SGCD: variants seen among roughly 807,000 people sequenced by gnomAD.
SGCD encodes the protein delta-sarcoglycan.
In SGCD, 18 loss-of-function variants were observed where a neutral mutation model predicts 36.6. The ratio of observed to expected loss-of-function variants is 0.49; its 90% CI spans 0.34 to 0.73. The LOEUF (loss-of-function observed/expected upper bound fraction) is 0.73. SGCD is among the 30% of genes least tolerant of loss of function. SGCD has a pLI of 0.01. For missense variants in SGCD, 387 were observed against 346.7 expected, an observed-to-expected ratio of 1.12 and a Z score of -0.92; for synonymous variants, 133 against 130.6, an observed-to-expected ratio of 1.02 and a Z score of -0.12.
chr5:156,287,016 G>A (rs1766623083), intron 3 of SGCD, among the ~76,000 whole-genome samples: 1 of 152,112 alleles, frequency 6.6e-6, no homozygotes, highest in Non-Finnish European at 1.5e-5. Flanking sequence ...AAAAACCCAT[G>A]CTTTCAGAGT....
chr5:155,920,736 C>T (rs1756858972), intron 1 of SGCD, among the ~76,000 whole-genome samples: 1 of 152,114 alleles, frequency 6.6e-6, no homozygotes, highest in South Asian at 2.1e-4. Flanking sequence ...GCGGCATACT[C>T]TTGGATGGTG....
chr5:156,650,054 A>G (rs1442610686), intron 7 of SGCD, among the ~76,000 whole-genome samples: 1 of 152,114 alleles, frequency 6.6e-6, no homozygotes, highest in Non-Finnish European at 1.5e-5. Flanking sequence ...ACAAAAAGAC[A>G]ACTCTCCAAG....
At chr5:156,471,899 A>G (rs955298996) in intron 3 of SGCD, among the ~76,000 whole-genome samples, 2 of 148,420 alleles carry the variant, frequency 1.3e-5, no homozygotes, top group South Asian at 2.1e-4. Flanking sequence ...TCAATAATGT[A>G]TAAATGATTT....
At chr5:156,090,811 A>G (rs548945420) in intron 1 of SGCD, among the ~76,000 whole-genome samples, 1 of 152,264 alleles carries the variant, frequency 6.6e-6, no homozygotes, top group African/African-American at 2.4e-5. Context: ...AGGGTTATCA[A>G]TTATTAATAT....
At chr5:155,993,732 A>G (rs1165582260) in intron 1 of SGCD, among the ~76,000 whole-genome samples, 1 of 152,110 alleles carries the variant, frequency 6.6e-6, no homozygotes, top group Non-Finnish European at 1.5e-5. Flanking sequence ...TATCTTGCCC[A>G]TGGACCCTCT....
At chr5:156,333,589 A>G in intron 2 of SGCD, among the ~76,000 whole-genome samples, 1 of 152,044 alleles carries the variant, frequency 6.6e-6, no homozygotes, top group Admixed American at 6.6e-5. Flanking sequence ...TATGCCTTTA[A>G]CAAGCAAAGA....
intron 3 of SGCD, among the ~76,000 whole-genome samples, chr5:156,347,887 A>T (rs777345372): frequency 3.9e-5 from 6 of 152,222 alleles, no homozygotes; most frequent in Admixed American, 6.5e-5. Context: ...GCAGTTAACT[A>T]AATTGATTGC....
the SGCD span, among the ~76,000 whole-genome samples, chr5:155,798,389 T>G: frequency 3.9e-5 from 6 of 152,228 alleles, no homozygotes. Flanking sequence ...AAAGATTTGA[T>G]AGATTAACTT....
At chr5:156,399,027 TG>T (rs1772006129) in intron 3 of SGCD, among the ~76,000 whole-genome samples, 2 of 152,376 alleles carry the variant, frequency 1.3e-5, no homozygotes, top group East Asian at 3.9e-4. Context: ...AAAGTTCTAT[TG>T]GATTGCTATG....
intron 3 of SGCD, among the ~76,000 whole-genome samples, chr5:156,226,677 C>T (rs1021023037): frequency 3.9e-5 from 6 of 152,142 alleles, no homozygotes; most frequent in African/African-American, 1.2e-4. Flanking sequence ...TTTACATTCC[C>T]ACCAGCACTG....
chr5:155,888,846 A>C (rs1396053353), intron 1 of SGCD, among the ~76,000 whole-genome samples: 1 of 152,022 alleles, frequency 6.6e-6, no homozygotes, highest in Non-Finnish European at 1.5e-5. Flanking sequence ...ACAGTTTCTG[A>C]ACTCATCCTT....
At chr5:155,758,729 C>A in the SGCD span, among the ~76,000 whole-genome samples, 1 of 152,118 alleles carries the variant, frequency 6.6e-6, no homozygotes, top group East Asian at 1.9e-4. Flanking sequence ...AGTTTCATTC[C>A]CAAATCACCA....
chr5:156,108,548 C>T (rs570900921), intron 1 of SGCD, among the ~76,000 whole-genome samples: 1 of 152,142 alleles, frequency 6.6e-6, no homozygotes, highest in African/African-American at 2.4e-5. Context: ...GGGTATTTAT[C>T]AAATATATGG....
At chr5:155,826,035 C>A in the SGCD span, among the ~76,000 whole-genome samples, 1 of 152,204 alleles carries the variant, frequency 6.6e-6, no homozygotes, top group East Asian at 1.9e-4. Flanking sequence ...CAGGCGTGAG[C>A]CACCATACTC....
chr5:155,920,579 A>C (rs1433749666), intron 1 of SGCD, among the ~76,000 whole-genome samples: 2 of 152,178 alleles, frequency 1.3e-5, no homozygotes, highest in Non-Finnish European at 2.9e-5. Context: ...CAGAGCCAGT[A>C]TTTAGTTGCA....
rs142181515 is a variant in SGCD at position 156,233,400 on chromosome 5, G to A, written c.-43-96134G>A. Among the ~76,000 whole-genome samples the A allele has an allele frequency of 1.2e-3, 182 of 152,304 alleles. 1 individual carries two copies. Among genetic ancestry groups the A allele is most frequent in the African/African-American group, 4.2e-3 (175 of 41,560 alleles). On this transcript the variant is annotated intron_variant, in intron 3 of 9. Coordinates refer to the SGCD transcript ENST00000517913. Reference sequence around the variant, plus strand: ...CTGTTGGTTATTCTTCATATGGATTGCCACTTACTTTGACTAAATCTGTTT... The same window carrying A: ...CTGTTGGTTATTCTTCATATGGATTACCACTTACTTTGACTAAATCTGTTT...
chr5:156,181,401 A>G (rs545260648), intron 3 of SGCD, among the ~76,000 whole-genome samples: 2 of 152,324 alleles, frequency 1.3e-5, no homozygotes, highest in African/African-American at 2.4e-5. Flanking sequence ...AAACTGACCC[A>G]TAGATTTTTC....
intron 3 of SGCD, among the ~76,000 whole-genome samples, chr5:156,445,955 GC>G (rs966610676): frequency 6.6e-6 from 1 of 152,106 alleles, no homozygotes; most frequent in African/African-American, 2.4e-5. Context: ...TGTGCTAGTT[GC>G]CAGGGAGAGA....
intron 3 of SGCD, among the ~76,000 whole-genome samples, chr5:156,181,640 A>G (rs541164433): frequency 6.6e-6 from 1 of 152,234 alleles, no homozygotes. Flanking sequence ...CTGGCAGTTA[A>G]AGTGAGCAAG....
Sources: allele counts gnomAD v4.1 joint callset (sites outside exome capture counted in the v4.1 genomes callset), GRCh38; gene constraint gnomAD v4.1.1; transcripts MANE v1.5; gene names NCBI Gene and HGNC (gene_info 2026-07-23, HGNC 2026-07-21).